The following SLIT2 variants were observed in gnomAD, a reference collection of about 807,000 sequenced individuals.
The protein encoded by SLIT2 is slit guidance ligand 2, also known as slit homolog 2 protein.
In SLIT2, 41 loss-of-function variants were observed where a neutral mutation model predicts 185.7. The ratio of observed to expected loss-of-function variants is 0.22; its 90% confidence interval spans 0.17 to 0.29. The LOEUF (loss-of-function observed/expected upper bound fraction) is 0.29. Ranked by LOEUF, SLIT2 falls within the 10% of genes least tolerant of loss-of-function variation. The pLI, the probability that SLIT2 is intolerant of heterozygous loss-of-function variation, is 1.00. For missense variants in SLIT2, 1,571 were observed against 1,909.0 expected (o/e 0.82, Z 3.30); for synonymous variants, 693 against 680.2 (o/e 1.02, Z -0.29).
At position 20,499,324 on chromosome 4, in the gene SLIT2, T is replaced by C. The variant is rs181487017; in HGVS notation, c.914+7425T>C. Among the ~76,000 whole-genome samples the C allele has an allele frequency of 2.1e-3, 319 of 152,242 alleles. 4 individuals carry two copies. The highest frequency in any genetic ancestry group is 7.4e-3 in the African/African-American group (307 of 41,544). On this transcript the variant is annotated intron_variant, in intron 9 of 36. Transcript: ENST00000504154. ...TATGTTGCAAATACAATTTTAAAAG[T>C]GTCTTTTTCTGTTCATTTCTGTTTA... is the stretch of plus-strand genomic sequence containing the variant.
intron 4 of SLIT2, among the ~76,000 whole-genome samples, chr4:20,272,271 TAA>T (rs5856553): frequency 2.6e-4 from 38 of 145,110 alleles, no homozygotes; most frequent in Non-Finnish European, 3.6e-4. Context: ...GGTTGGAGGT[TAA>T]AAAAAAAAAA....
At chr4:20,343,010 G>T (rs1238109655) in intron 4 of SLIT2, among the ~76,000 whole-genome samples, 10 of 150,738 alleles carry the variant, frequency 6.6e-5, no homozygotes, top group African/African-American at 2.4e-4. Context: ...TTTGTTACAT[G>T]CATAGAATGT....
intron 8 of SLIT2, 146 bp from the exon 9 acceptor site, chr4:20,491,615 A>G: frequency 1.7e-6 from 1 of 596,882 alleles, no homozygotes; most frequent in Non-Finnish European, 2.8e-6. Context: ...CCTAAAATAT[A>G]TTTTAGAAAT....
chr4:20,401,810 A>G (rs1237818553), intron 4 of SLIT2, among the ~76,000 whole-genome samples: 1 of 151,926 alleles, frequency 6.6e-6, no homozygotes, highest in Non-Finnish European at 1.5e-5. Context: ...TGAACATTGA[A>G]CAAGTTAATA....
chr4:20,553,779 G>A (rs1390609700), intron 25 of SLIT2, 26 bp from the exon 26 acceptor site: 1 of 1,539,708 alleles, frequency 6.5e-7, no homozygotes, highest in Non-Finnish European at 8.7e-7. Flanking sequence ...GTATGTGTGT[G>A]TGCTTCTGTG....
intron 3 of SLIT2, among the ~76,000 whole-genome samples, chr4:20,264,813 A>G (rs534770623): frequency 1.3e-5 from 2 of 152,112 alleles, no homozygotes; most frequent in African/African-American, 4.8e-5. Flanking sequence ...TCTCAGAGAC[A>G]TACATTACAC....
chr4:20,479,440 T>C (rs879788278), intron 5 of SLIT2, among the ~76,000 whole-genome samples: 2 of 152,134 alleles, frequency 1.3e-5, no homozygotes, highest in Non-Finnish European at 2.9e-5. Context: ...ACAGGATGCA[T>C]TTGTATTACG....
intron 33 of SLIT2, among the ~76,000 whole-genome samples, chr4:20,599,807 T>C (rs1728271727): frequency 6.6e-6 from 1 of 152,216 alleles, no homozygotes; most frequent in Non-Finnish European, 1.5e-5. Flanking sequence ...AGGCATTGAT[T>C]ATGACATAAA....
At chr4:20,258,884 A>C (rs1191488749) in intron 3 of SLIT2, among the ~76,000 whole-genome samples, 1 of 151,742 alleles carries the variant, frequency 6.6e-6, no homozygotes, top group African/African-American at 2.4e-5. Context: ...AATAAAATCT[A>C]ATGTTCATTT....
intron 4 of SLIT2, among the ~76,000 whole-genome samples, chr4:20,385,333 G>T (rs1009773460): frequency 6.6e-6 from 1 of 152,100 alleles, no homozygotes; most frequent in Non-Finnish European, 1.5e-5. Flanking sequence ...TTTAACAGTT[G>T]TGTATTTTCA....
intron 4 of SLIT2, among the ~76,000 whole-genome samples, chr4:20,372,272 T>G (rs1723649504): frequency 6.6e-6 from 1 of 152,058 alleles, no homozygotes; most frequent in Non-Finnish European, 1.5e-5. Context: ...CATTAAGTGG[T>G]GCAGAAAGGG....
At position 20,528,196 on chromosome 4, in the gene SLIT2, T is replaced by C. The variant is rs1168770211; in HGVS notation, c.1463-753T>C. ...TGCATGTCATGTAAACAGTATTACG[T>C]TTCCAGAACGTCTGTAGCTTTTCTC... On this transcript the variant is annotated intron_variant, in intron 15 of 36. Transcript: ENST00000504154. The surrounding 1 kb of genome is among the most constrained non-coding windows in gnomAD (Gnocchi z 4.2). 1.9e-6 allele frequency: 1 copy of C among 524,556 alleles called. No individual in the cohort carries two copies. Among genetic ancestry groups the C allele is most frequent in the Non-Finnish European group, 3.9e-6 (1 of 254,482 alleles). The allele number at this position is 524,556 out of a possible 1,614,324, so 32.5% of individuals were successfully genotyped here. A position where few individuals can be genotyped will look rare whatever the true frequency, so the allele number is the denominator to read the frequency against.
chr4:20,402,947 C>G lies in SLIT2; in HGVS notation c.396-64805C>G, dbSNP rs28631201. ...TAAGTAATACTATTTATATAAAATT[C>G]TCAAATTTCTCGAGATATATCTAAA... On this transcript the variant is annotated intron_variant, in intron 4 of 36. Coordinates refer to ENST00000504154, the MANE Select transcript of SLIT2 (RefSeq NM_004787.4). Among the ~76,000 whole-genome samples the G allele has an allele frequency of 4.7e-3, 719 of 151,504 alleles. 11 individuals are homozygous for G. Among genetic ancestry groups the G allele is most frequent in the African/African-American group, 0.017 (698 of 41,382 alleles).
intron 11 of SLIT2, among the ~76,000 whole-genome samples, chr4:20,512,946 A>C (rs1323948691): frequency 6.6e-6 from 1 of 152,230 alleles, no homozygotes; most frequent in Non-Finnish European, 1.5e-5. Flanking sequence ...ACAGTTTATT[A>C]TAATTTGTTA....
intron 15 of SLIT2, among the ~76,000 whole-genome samples, chr4:20,526,662 C>G (rs1721323562): frequency 6.6e-6 from 1 of 152,104 alleles, no homozygotes; most frequent in Admixed American, 6.6e-5. Context: ...TTCCCTGTTA[C>G]TGACAGCAGC....
At chr4:20,525,194 G>A (rs775111968) in intron 15 of SLIT2, 22 bp downstream of exon 15, 2 of 1,575,164 alleles carry the variant, frequency 1.3e-6, no homozygotes, top group Admixed American at 3.3e-5. Context: ...TCGGTAGTAG[G>A]ACTAACTACA....
chr4:20,366,643 TA>T (rs1723139353), intron 4 of SLIT2, among the ~76,000 whole-genome samples: 2 of 151,936 alleles, frequency 1.3e-5, no homozygotes, highest in South Asian at 4.1e-4. Flanking sequence ...ATCTAAGTAA[TA>T]GGAGCTCAGT....
At chr4:20,449,172 G>T (rs1016703060) in intron 4 of SLIT2, among the ~76,000 whole-genome samples, 1 of 152,036 alleles carries the variant, frequency 6.6e-6, no homozygotes, top group Non-Finnish European at 1.5e-5. Flanking sequence ...ATTTTACTAT[G>T]AAAAGAGTAA....
chr4:20,307,039 T>C (rs377722486), intron 4 of SLIT2, among the ~76,000 whole-genome samples: 11 of 151,156 alleles, frequency 7.3e-5, no homozygotes, highest in South Asian at 4.2e-4. Flanking sequence ...CCTTCCTTTT[T>C]ACCTACCTTC....
Sources: allele counts gnomAD v4.1 joint callset (sites outside exome capture counted in the v4.1 genomes callset), GRCh38; gene constraint gnomAD v4.1.1; non-coding constraint Gnocchi (gnomAD v3.1); transcripts MANE v1.5; gene names NCBI Gene and HGNC (gene_info 2026-07-23, HGNC 2026-07-21).